The following VDR variants were observed in gnomAD, a reference collection of about 807,000 sequenced individuals.
VDR encodes the protein vitamin D receptor.
VDR carries 19 observed loss-of-function variants against 39.7 expected under a neutral mutation model. That is an observed-to-expected ratio of 0.48 (90% confidence interval 0.33 to 0.70). The LOEUF (loss-of-function observed/expected upper bound fraction) is 0.70, where lower values mean the gene tolerates loss of function less well. Ranked by LOEUF, VDR falls within the 30% of genes least tolerant of loss-of-function variation. VDR has a pLI of 0.02. For synonymous variants in VDR, 242 were observed against 215.8 expected (o/e 1.12, Z -1.07); for missense variants, 442 against 570.5 (o/e 0.77, Z 2.29).
In VDR at chr12:47,844,899, G is replaced by A. The variant is rs201868713; in HGVS notation, c.1131C>T (p.His377=). 138 of 1,614,208 alleles carry A rather than the reference G, an allele frequency of 8.5e-5. No individual in the cohort carries two copies. The East Asian group carries it at 2.9e-3, about 33-fold the overall frequency. ...TCTGGATCATCTTGGCATAGAGCAGGTGGCTGCCCGGGGGCGGGTGGCGGC... is the reference window on the plus strand; with the variant it reads ...TCTGGATCATCTTGGCATAGAGCAGATGGCTGCCCGGGGGCGGGTGGCGGC... ...IRCRHPPPGS[H]LLYAKMIQKL... The change falls in exon 10 of 10, where the codon CAC becomes CAT. Residue 377 remains histidine, a synonymous_variant. Transcript: ENST00000549336.
chr12:47,878,518 A>G (rs1224117110), intron 3 of VDR, among the ~76,000 whole-genome samples: 2 of 152,246 alleles, frequency 1.3e-5, no homozygotes, highest in Non-Finnish European at 2.9e-5. Flanking sequence ...TGACCCGACA[A>G]GAGGTGCCAT....
At chr12:47,857,900 A>G (rs947715500) in intron 4 of VDR, among the ~76,000 whole-genome samples, 1 of 152,128 alleles carries the variant, frequency 6.6e-6, no homozygotes, top group South Asian at 2.1e-4. Flanking sequence ...AGAAGAAGAA[A>G]AAGAGGATTT....
chr12:47,904,489 T>C, intron 1 of VDR: 1 of 773,168 alleles, frequency 1.3e-6, no homozygotes, highest in South Asian at 3.0e-5. Flanking sequence ...AAAAAAAAAT[T>C]ACTTAAAAGA....
At chr12:47,845,265 C>T (rs537547440) in intron 9 of VDR, among the ~76,000 whole-genome samples, 30 of 152,114 alleles carry the variant, frequency 2.0e-4, no homozygotes, top group African/African-American at 7.0e-4. Context: ...TGTCCATGCT[C>T]TGTCCATCCC....
At chr12:47,855,247 G>C (rs1945457728) in intron 7 of VDR, among the ~76,000 whole-genome samples, 1 of 152,126 alleles carries the variant, frequency 6.6e-6, no homozygotes, top group African/African-American at 2.4e-5. Flanking sequence ...AGAATCACTT[G>C]AACCCGGGAG....
At chr12:47,877,089 G>A (rs1417286266) in intron 3 of VDR, among the ~76,000 whole-genome samples, 1 of 152,232 alleles carries the variant, frequency 6.6e-6, no homozygotes. Flanking sequence ...GACGGAATGA[G>A]TGAAAGAAAC....
At chr12:47,851,451 C>T (rs534672980) in intron 7 of VDR, among the ~76,000 whole-genome samples, 1 of 152,206 alleles carries the variant, frequency 6.6e-6, no homozygotes, top group Admixed American at 6.5e-5. Flanking sequence ...GTCTCATGCC[C>T]CCACTGGAGA....
chr12:47,902,260 AG>A (rs766734758), intron 1 of VDR, among the ~76,000 whole-genome samples: 8 of 152,214 alleles, frequency 5.3e-5, no homozygotes, highest in Non-Finnish European at 1.0e-4. Context: ...TAGCATATCT[AG>A]GAGGGCACTG....
intron 1 of VDR, among the ~76,000 whole-genome samples, chr12:47,887,913 G>A (rs1169488291): frequency 1.3e-5 from 2 of 152,138 alleles, no homozygotes; most frequent in Non-Finnish European, 2.9e-5. Flanking sequence ...AACCCTTTTG[G>A]GACTATGCAT....
chr12:47,846,733 C>T lies in VDR; in HGVS notation c.831G>A (p.Glu277=). The part of the protein sequence containing the change: ...AIEVIMLRSN[E]SFTMDDMSWT... ...AGGACATGTCGTCCATGGTGAAGGA[C>T]TCATTGGAGCGCAACATGATGACCT... The change falls in exon 8 of 10, where the codon GAG becomes GAA. Residue 277 remains glutamate, a synonymous_variant. Coordinates refer to ENST00000549336, the MANE Select transcript of VDR (RefSeq NM_000376.3). 6.2e-7 allele frequency: 1 copy of T among 1,614,174 alleles called. No homozygotes were observed. The highest frequency in any genetic ancestry group is 8.5e-7 in the Non-Finnish European group (1 of 1,180,044).
intron 1 of VDR, among the ~76,000 whole-genome samples, chr12:47,898,117 T>G (rs1369759150): frequency 6.6e-6 from 1 of 152,166 alleles, no homozygotes; most frequent in East Asian, 1.9e-4. Flanking sequence ...CAAGCACTGC[T>G]GGTGGAAGCC....
chr12:47,877,737 G>C (rs1345878302), intron 3 of VDR, among the ~76,000 whole-genome samples: 8 of 152,198 alleles, frequency 5.3e-5, no homozygotes, highest in Admixed American at 2.0e-4. Context: ...AGGATGTGTG[G>C]ACCTCAGGCC....
chr12:47,878,998 A>G lies in VDR; in HGVS notation c.116T>C (p.Met39Thr), dbSNP rs1463920811. ...GAAGCCTTTGCAGCCTTCACAGGTC[A>G]TAGCATTGAAGTGAAAGCCAGTGGC... The part of the protein sequence containing the change: ...DRATGFHFNA[M>T]TCEGCKGFFR... The change falls in exon 3 of 10, where the codon ATG becomes ACG. Residue 39 changes from methionine to threonine, a missense_variant. By Grantham distance (81) the Met-to-Thr change is moderately conservative. This residue lies in a region of VDR where 141 missense variants were observed against 141.3 expected (regional missense o/e 1.00). Transcript: ENST00000549336. The G allele has an allele frequency of 1.9e-6, 3 of 1,614,218 alleles. No homozygotes were observed. Among genetic ancestry groups the G allele is most frequent in the Non-Finnish European group, 8.5e-7 (1 of 1,180,028 alleles).
intron 3 of VDR, among the ~76,000 whole-genome samples, chr12:47,871,318 C>CT (rs1421025160): frequency 2.1e-5 from 3 of 139,554 alleles, no homozygotes; most frequent in African/African-American, 8.2e-5. Flanking sequence ...TTCTTTCTTT[C>CT]TTTCTTTCTT....
In VDR at chr12:47,844,553, C is replaced by A; in HGVS notation, c.*193G>T. On this transcript the variant is annotated 3_prime_UTR_variant, in exon 10 of 10. Transcript: ENST00000549336. ...TCCTCATGGCTGAGGTCTCAAGGGA[C>A]CGGGGAAAAGCCCGCAGGAAAGGGG... 1.4e-6 allele frequency: 1 copy of A among 737,508 alleles called. No individual in the cohort carries two copies. Among genetic ancestry groups the A allele is most frequent in the Admixed American group, 2.8e-5 (1 of 35,926 alleles). 45.7% of individuals were successfully genotyped at this position (737,508 alleles called of 1,614,324 possible).
At chr12:47,853,623 T>C (rs764441855) in intron 7 of VDR, among the ~76,000 whole-genome samples, 2 of 151,828 alleles carry the variant, frequency 1.3e-5, no homozygotes, top group Non-Finnish European at 2.9e-5. Context: ...GGCGTGGTGG[T>C]GCGTGCCTGT....
chr12:47,878,533 C>G (rs1166540159), intron 3 of VDR, among the ~76,000 whole-genome samples: 1 of 152,238 alleles, frequency 6.6e-6, no homozygotes, highest in East Asian at 1.9e-4. Context: ...TGCCATTTCC[C>G]TTGTTCCAAG....
intron 1 of VDR, among the ~76,000 whole-genome samples, chr12:47,885,868 A>C (rs1946243742): frequency 6.6e-6 from 1 of 152,198 alleles, no homozygotes; most frequent in Admixed American, 6.5e-5. Context: ...AGAAGACCTT[A>C]AATGAGATGA....
intron 1 of VDR, among the ~76,000 whole-genome samples, chr12:47,902,191 T>A (rs1479000578): frequency 6.6e-6 from 1 of 152,202 alleles, no homozygotes; most frequent in African/African-American, 2.4e-5. Context: ...ATGCATGGCA[T>A]CCCCTTTCAC....
Sources: gnomAD v4.1 joint callset for allele counts (sites outside exome capture counted in the v4.1 genomes callset) on GRCh38, gnomAD v4.1.1 for gene constraint, gnomAD v4.1.1 regional missense constraint, MANE v1.5 for transcripts, NCBI Gene and HGNC (gene_info 2026-07-23, HGNC 2026-07-21) for gene names.